PHYHIPL: variants seen among roughly 807,000 people sequenced by gnomAD.
PHYHIPL encodes phytanoyl-CoA 2-hydroxylase interacting protein like.
In PHYHIPL, 9 loss-of-function variants were observed where a neutral mutation model predicts 33.4. That is an observed-to-expected ratio of 0.27 (90% CI 0.16 to 0.47). The LOEUF is 0.47. Among genes scored for constraint, PHYHIPL ranks in the 20% least tolerant of loss-of-function variants. PHYHIPL has a pLI of 0.99. For missense variants in PHYHIPL, 365 were observed against 460.7 expected (o/e 0.79, Z 1.90); for synonymous variants, 153 against 154.1 (o/e 0.99, Z 0.05).
chr10:59,238,792 G>T, intron 4 of PHYHIPL, 87 bp downstream of exon 4: 1 of 691,894 alleles, frequency 1.4e-6, no homozygotes, highest in East Asian at 2.7e-5. Context: ...TAGTTTTGTC[G>T]AATAGCAATT....
At chr10:59,177,968 G>A (rs1431613511) in intron 1 of PHYHIPL, among the ~76,000 whole-genome samples, 3 of 152,128 alleles carry the variant, frequency 2.0e-5, no homozygotes, top group Non-Finnish European at 4.4e-5. Context: ...TGTATATAGA[G>A]GTAATGATTG....
upstream of PHYHIPL, among the ~76,000 whole-genome samples, chr10:59,173,795 G>C (rs1160844041): frequency 2.6e-5 from 4 of 152,114 alleles, no homozygotes; most frequent in South Asian, 6.2e-4. Context: ...TTGGGGAAAA[G>C]GAATTGTGGT....
intron 1 of PHYHIPL, among the ~76,000 whole-genome samples, chr10:59,191,137 A>G (rs1184620571): frequency 6.6e-6 from 1 of 151,864 alleles, no homozygotes; most frequent in Admixed American, 6.6e-5. Flanking sequence ...TCCATTGTGT[A>G]TTGTTTTACG....
chr10:59,176,932 G>A lies in PHYHIPL; in HGVS notation c.79G>A (p.Glu27Lys). 6.2e-7 allele frequency: 1 copy of A among 1,613,676 alleles called. No individual in the cohort carries two copies. Among genetic ancestry groups the A allele is most frequent in the Non-Finnish European group, 8.5e-7 (1 of 1,179,826 alleles). ...GGAGGTGATCAAAAACCTCAGCCTG[G>A]AGGCCATTCAGCTGTGCGACCGGGA... is the stretch of plus-strand genomic sequence containing the variant. The part of the protein sequence containing the change: ...CEEVIKNLSL[E>K]AIQLCDRDGN... Residue 27 changes from glutamate to lysine, a missense_variant, in exon 1 of 5, where the codon GAG becomes AAG. By Grantham distance (56) the Glu-to-Lys change is moderately conservative (BLOSUM62 1). Around this residue, in one of 4 missense-constraint regions of PHYHIPL, gnomAD observed 89 missense variants for 78.3 expected, o/e 1.14. Transcript: ENST00000373880.
Position 59,247,607 on chromosome 10 carries a change from C to G in PHYHIPL, c.*2016C>G. The G allele has an allele frequency of 6.2e-7, 1 of 1,613,036 alleles. No individual in the cohort carries two copies. Among genetic ancestry groups the G allele is most frequent in the Admixed American group, 1.7e-5 (1 of 59,938 alleles). The stretch of plus-strand genomic sequence containing the variant: ...TGGGTGAAAGTGATCATAACATTTC[C>G]TGAACCTCAAATAGTTTTGGCCACA... On this transcript the variant is annotated 3_prime_UTR_variant, in exon 5 of 5. Transcript: ENST00000373880.
chr10:59,199,914 G>A (rs924160564), intron 1 of PHYHIPL, among the ~76,000 whole-genome samples: 5 of 152,148 alleles, frequency 3.3e-5, no homozygotes, highest in Non-Finnish European at 5.9e-5. Flanking sequence ...TTTGTATCCT[G>A]AGGCTTTGCT....
intron 1 of PHYHIPL, among the ~76,000 whole-genome samples, chr10:59,233,898 G>A (rs374763552): frequency 6.6e-6 from 1 of 151,688 alleles, no homozygotes; most frequent in African/African-American, 2.4e-5. Flanking sequence ...TGAAAGAGGA[G>A]GGGGAATTTT....
rs139202856 is a variant in PHYHIPL at position 59,239,440 on chromosome 10, A to G, written c.596+735A>G. Among the ~76,000 whole-genome samples the G allele has an allele frequency of 4.7e-3, 720 of 151,682 alleles. 4 individuals are homozygous for G. Among genetic ancestry groups the G allele is most frequent in the African/African-American group, 0.017 (694 of 41,330 alleles). On this transcript the variant is annotated intron_variant, in intron 4 of 4. Transcript: ENST00000373880. ...TTTCCCCCTCCCCATAATTCAATCA[A>G]CTCCCACTGGGTTCCTCCCATGACA...
intron 4 of PHYHIPL, among the ~76,000 whole-genome samples, chr10:59,242,989 A>G (rs1439410458): frequency 6.6e-6 from 1 of 152,176 alleles, no homozygotes. Flanking sequence ...AAAAGTATTC[A>G]TAGAATTAAT....
At chr10:59,199,556 T>C (rs1839033420) in intron 1 of PHYHIPL, among the ~76,000 whole-genome samples, 2 of 152,192 alleles carry the variant, frequency 1.3e-5, no homozygotes, top group South Asian at 2.1e-4. Context: ...TTTGGTTCCA[T>C]ATGAACTTTA....
Position 59,195,561 on chromosome 10 carries a change from T to C in PHYHIPL, c.106+18602T>C, listed in dbSNP as rs1838888844. ...TGTCTTCAGAGATAAGGATATTCTT[T>C]TCCTCCAGGTATAGGGAGGCCATCT... is the stretch of plus-strand genomic sequence containing the variant. On this transcript the variant is annotated intron_variant, in intron 1 of 4. Coordinates refer to ENST00000373880, the MANE Select transcript of PHYHIPL (RefSeq NM_032439.4). Among the ~76,000 whole-genome samples, 5 of 152,306 alleles carry C rather than the reference T, an allele frequency of 3.3e-5. No homozygotes were observed. In the South Asian group the frequency reaches 1.0e-3, roughly 32 times the overall value.
chr10:59,224,331 A>G (rs1182072323), intron 1 of PHYHIPL, among the ~76,000 whole-genome samples: 1 of 151,964 alleles, frequency 6.6e-6, no homozygotes, highest in Non-Finnish European at 1.5e-5. Flanking sequence ...CATGGAGAAG[A>G]GTCTTACCTA....
chr10:59,228,379 G>C (rs551849924), intron 1 of PHYHIPL, among the ~76,000 whole-genome samples: 49 of 152,214 alleles, frequency 3.2e-4, no homozygotes, highest in Admixed American at 2.6e-4. Context: ...TTACCACTAA[G>C]AGTATTTTTA....
chr10:59,188,784 G>A (rs1157107146), intron 1 of PHYHIPL, among the ~76,000 whole-genome samples: 2 of 152,014 alleles, frequency 1.3e-5, no homozygotes, highest in Admixed American at 1.3e-4. Context: ...GACTAAGATT[G>A]CAACCCCTGC....
intron 1 of PHYHIPL, among the ~76,000 whole-genome samples, chr10:59,180,727 TTGAA>T (rs1838393567): frequency 6.6e-6 from 1 of 152,156 alleles, no homozygotes; most frequent in East Asian, 1.9e-4. Flanking sequence ...ATAAATTTCT[TTGAA>T]TGTTGAGTTT....
chr10:59,180,314 G>GTATGTATATATATA (rs1491252242), intron 1 of PHYHIPL, among the ~76,000 whole-genome samples: 2 of 86,154 alleles, frequency 2.3e-5, no homozygotes, highest in African/African-American at 1.0e-4. Context: ...TATAGAAAAA[G>GTATGTATATATATA]TATATATATA....
intron 1 of PHYHIPL, chr10:59,177,391 A>G: frequency 7.4e-7 from 1 of 1,349,414 alleles, no homozygotes; most frequent in South Asian, 1.5e-5. Context: ...TCTCTTCCAG[A>G]AACTTATCAT....
At chr10:59,231,629 A>G (rs1840081663) in intron 1 of PHYHIPL, among the ~76,000 whole-genome samples, 1 of 152,124 alleles carries the variant, frequency 6.6e-6, no homozygotes, top group Non-Finnish European at 1.5e-5. Context: ...TCATGGTGAT[A>G]AAAGATTTAA....
intron 1 of PHYHIPL, chr10:59,177,166 G>C: frequency 1.6e-6 from 1 of 606,868 alleles, no homozygotes; most frequent in Non-Finnish European, 2.8e-6. Context: ...GCCTTGGCGC[G>C]GAAAGTAGCC....
Sources: allele counts gnomAD v4.1 joint callset (sites outside exome capture counted in the v4.1 genomes callset), GRCh38; gene constraint gnomAD v4.1.1; regional missense constraint gnomAD v4.1.1; transcripts MANE v1.5; gene names NCBI Gene and HGNC (gene_info 2026-07-23, HGNC 2026-07-21).